LRRC41: variants seen among roughly 807,000 people sequenced by gnomAD.
LRRC41 encodes the protein leucine rich repeat containing 41, also known as leucine-rich repeat-containing protein 41.
Under a neutral mutation model 72.1 loss-of-function variants are expected in LRRC41, and 17 were observed. The ratio of observed to expected loss-of-function variants is 0.24; its 90% confidence interval spans 0.16 to 0.35. LRRC41 has a LOEUF of 0.35. Ranked by LOEUF, LRRC41 falls within the 10% of genes least tolerant of loss-of-function variation. The pLI is 1.00. For synonymous variants in LRRC41, 427 were observed against 431.0 expected, an observed-to-expected ratio of 0.99 and a Z score of 0.11; for missense variants, 759 against 1,065.0, an observed-to-expected ratio of 0.71 and a Z score of 4.00.
At chr1:46,284,114 A>C (rs1429596514) in intron 4 of LRRC41, 1 of 152,326 alleles carries the variant, frequency 6.6e-6, no homozygotes, top group Non-Finnish European at 1.5e-5. Context: ...GGGGTATAAG[A>C]GGCTGGAAGG....
intron 1 of LRRC41, chr1:46,301,999 C>T (rs1661241514): frequency 5.5e-5 from 54 of 985,398 alleles, no homozygotes; most frequent in Non-Finnish European, 6.4e-5. Flanking sequence ...CTTTCACTTG[C>T]CCCACGTCGG....
At position 46,280,672 on chromosome 1, in the gene LRRC41, TGTC is replaced by T. The variant is rs1660754784; in HGVS notation, c.1757-115_1757-113del. On this transcript the variant is annotated intron_variant, in intron 5 of 9. Transcript: ENST00000617190. ...CTAAAAAATTATTTATTCATTCACT[TGTC>T]GTTGAGTGCCTACCATATGTCAGCA... 8.7e-6 allele frequency: 9 copies of T among 1,033,414 alleles called. No individual in the cohort carries two copies. The East Asian group carries it at 1.0e-4, about 12-fold the overall frequency. 64.0% of individuals were successfully genotyped at this position (1,033,414 alleles called of 1,614,324 possible). A position where few individuals can be genotyped will look rare whatever the true frequency, so the allele number is the denominator to read the frequency against.
intron 3 of LRRC41, among the ~76,000 whole-genome samples, chr1:46,293,890 A>T (rs1405698059): frequency 6.6e-6 from 1 of 151,802 alleles, no homozygotes; most frequent in Non-Finnish European, 1.5e-5. Context: ...CCTCCCAAGT[A>T]GTAATCCCAG....
intron 5 of LRRC41, 121 bp from the exon 6 acceptor site, chr1:46,280,681 G>T: frequency 1.0e-6 from 1 of 965,488 alleles, no homozygotes; most frequent in Non-Finnish European, 1.5e-6. Context: ...TTGTCGTTGA[G>T]TGCCTACCAT....
chr1:46,295,791 A>G (rs1328375108), intron 3 of LRRC41, among the ~76,000 whole-genome samples: 1 of 152,220 alleles, frequency 6.6e-6, no homozygotes, highest in Non-Finnish European at 1.5e-5. Context: ...CTGTTTTCTA[A>G]TATTCTTGAG....
chr1:46,301,503 G>T (rs1661222212), intron 1 of LRRC41, among the ~76,000 whole-genome samples: 1 of 151,728 alleles, frequency 6.6e-6, no homozygotes, highest in Non-Finnish European at 1.5e-5. Context: ...TCCGCACACC[G>T]GCCGACTTCT....
intron 3 of LRRC41, among the ~76,000 whole-genome samples, chr1:46,296,416 T>C (rs1661127848): frequency 6.6e-6 from 1 of 150,622 alleles, no homozygotes; most frequent in South Asian, 2.1e-4. Flanking sequence ...AAACTCCGTC[T>C]CAAACAAAAC....
chr1:46,299,098 T>A (rs1249138652), intron 1 of LRRC41: 1 of 152,260 alleles, frequency 6.6e-6, no homozygotes, highest in Non-Finnish European at 1.5e-5. Flanking sequence ...AAACAAAACC[T>A]GCTCTTGCCA....
chr1:46,283,197 A>G (rs1163132900), intron 4 of LRRC41, among the ~76,000 whole-genome samples: 3 of 152,206 alleles, frequency 2.0e-5, no homozygotes, highest in Non-Finnish European at 4.4e-5. Context: ...CTTGGGCTGC[A>G]GTGCAGATAA....
intron 3 of LRRC41, among the ~76,000 whole-genome samples, chr1:46,287,233 C>T (rs1401776873): frequency 2.0e-5 from 3 of 151,204 alleles, no homozygotes; most frequent in East Asian, 2.0e-4. Flanking sequence ...CTCAGCCTCC[C>T]GAGTAGCTGG....
Position 46,278,967 on chromosome 1 carries a change from G to A in LRRC41, c.2337C>T (p.Val779=), listed in dbSNP as rs375762514. Residue 779 remains valine, a synonymous_variant, in exon 10 of 10, where the codon GTC becomes GTT. Coordinates refer to ENST00000617190, the MANE Select transcript of LRRC41 (RefSeq NM_006369.5). The stretch of plus-strand genomic sequence containing the variant: ...GCCGCCGGATGGCTTCCCTGGCTGT[G>A]ACTGCATCCTGGTCCAGCCAGTTTT... ...LFQNWLDQDA[V]TAREAIRRLR... 1.2e-6 allele frequency: 2 copies of A among 1,613,932 alleles called. No individual in the cohort carries two copies. Among genetic ancestry groups the A allele is most frequent in the Non-Finnish European group, 1.7e-6 (2 of 1,180,038 alleles).
Position 46,302,428 on chromosome 1 carries a change from G to T in LRRC41, c.199+696C>A. 4 of 985,370 alleles carry T rather than the reference G, an allele frequency of 4.1e-6. No individual in the cohort carries two copies. The highest frequency in any genetic ancestry group is 4.8e-6 in the Non-Finnish European group (4 of 829,918). 61.0% of individuals were successfully genotyped at this position (985,370 alleles called of 1,614,324 possible). On this transcript the variant is annotated intron_variant, in intron 1 of 9. Transcript: ENST00000617190. This position sits in a 1 kb window ranked among gnomAD's most constrained non-coding sequence, Gnocchi z 4.7. ...TCCGGCGCTCCCTGTCCTGCGGGTC[G>T]CACGGTCGCTCGGTCGCTTAGTCAG...
chr1:46,290,924 T>TTTG (rs1553171428), intron 3 of LRRC41, among the ~76,000 whole-genome samples: 10 of 123,152 alleles, frequency 8.1e-5, no homozygotes, highest in East Asian at 7.1e-4. Flanking sequence ...TAGTTTTTTT[T>TTTG]TTTTTTTTTT....
intron 3 of LRRC41, among the ~76,000 whole-genome samples, chr1:46,287,232 C>G (rs1038014425): frequency 2.6e-5 from 4 of 152,162 alleles, no homozygotes; most frequent in African/African-American, 9.7e-5. Context: ...CCTCAGCCTC[C>G]CGAGTAGCTG....
Position 46,302,525 on chromosome 1 carries a change from C to G in LRRC41, c.199+599G>C, listed in dbSNP as rs923213617. Reference sequence around the variant, plus strand: ...GGCCGTCAGACAGGCCGCGGCGCCCCGACCCTTTCGTTCGGCCTCTCCCCC... The same window carrying G: ...GGCCGTCAGACAGGCCGCGGCGCCCGGACCCTTTCGTTCGGCCTCTCCCCC... On this transcript the variant is annotated intron_variant, in intron 1 of 9. Transcript: ENST00000617190. This position sits in a 1 kb window ranked among gnomAD's most constrained non-coding sequence, Gnocchi z 4.7. 67 of 984,536 alleles carry G rather than the reference C, an allele frequency of 6.8e-5. No homozygotes were observed. In the African/African-American group the frequency reaches 7.9e-4, roughly 12 times the overall value. 61.0% of individuals were successfully genotyped at this position (984,536 alleles called of 1,614,324 possible). A position where few individuals can be genotyped will look rare whatever the true frequency, so the allele number is the denominator to read the frequency against.
In LRRC41 at chr1:46,279,447, G is replaced by C. The variant is rs1353764892; in HGVS notation, c.2143+45C>G. On this transcript the variant is annotated intron_variant, in intron 8 of 9. Transcript: ENST00000617190. The surrounding 1 kb of genome is among the most constrained non-coding windows in gnomAD (Gnocchi z 4.5). Reference sequence around the variant, plus strand: ...TTATCCAGTGAGTTTTTAGGTCAAAGGCCTAGCTCCTTTCCCCTCTCCCTC... The same window carrying C: ...TTATCCAGTGAGTTTTTAGGTCAAACGCCTAGCTCCTTTCCCCTCTCCCTC... 1 of 1,613,998 alleles carries C rather than the reference G, an allele frequency of 6.2e-7. No individual in the cohort carries two copies. The highest frequency in any genetic ancestry group is 8.5e-7 in the Non-Finnish European group (1 of 1,179,986).
At chr1:46,303,091 T>C (rs762595948) in intron 1 of LRRC41, 33 bp downstream of exon 1, 193 of 1,362,500 alleles carry the variant, frequency 1.4e-4, no homozygotes, top group Non-Finnish European at 1.7e-4. Flanking sequence ...CCCTTGCTCT[T>C]AGCCAGAGGT....
intron 6 of LRRC41, 34 bp from the exon 7 acceptor site, chr1:46,280,324 C>CTTAG (rs774438549): frequency 6.2e-7 from 1 of 1,612,188 alleles, no homozygotes; most frequent in South Asian, 1.1e-5. Flanking sequence ...GACCATGGAC[C>CTTAG]TTAGCTTTCC....
At chr1:46,292,170 C>T (rs757998151) in intron 3 of LRRC41, among the ~76,000 whole-genome samples, 4 of 151,388 alleles carry the variant, frequency 2.6e-5, no homozygotes, top group African/African-American at 4.9e-5. Context: ...AAAAAGTAGC[C>T]GAGCTGATGG....
Sources: gnomAD v4.1 joint callset for allele counts (sites outside exome capture counted in the v4.1 genomes callset) on GRCh38, gnomAD v4.1.1 for gene constraint, Gnocchi (gnomAD v3.1) non-coding constraint, MANE v1.5 for transcripts, NCBI Gene and HGNC (gene_info 2026-07-23, HGNC 2026-07-21) for gene names.